The following TMEM50B variants were observed in gnomAD, a reference collection of about 807,000 sequenced individuals.
TMEM50B encodes transmembrane protein 50B, also known as HCV p7-trans-regulated protein 3.
A neutral mutation model predicts 23.4 loss-of-function variants in TMEM50B; 14 were observed. That is an observed-to-expected ratio of 0.60 (90% confidence interval 0.39 to 0.93). The LOEUF (loss-of-function observed/expected upper bound fraction) is 0.93, where lower values mean the gene tolerates loss of function less well. Ranked by LOEUF, TMEM50B falls within the 40% of genes least tolerant of loss-of-function variation. The pLI, the probability that TMEM50B is intolerant of heterozygous loss-of-function variation, is 0.00. For synonymous variants in TMEM50B, 64 were observed against 62.3 expected (o/e 1.03, Z -0.13); for missense variants, 159 against 193.0 (o/e 0.82, Z 1.04).
rs562378714 is a variant in TMEM50B, at chr21:33,435,827, G to A, written c.*2121-3025C>T. Among the ~76,000 whole-genome samples the A allele has an allele frequency of 4.2e-4, 59 of 140,704 alleles. No individual in the cohort carries two copies. In the South Asian group the frequency reaches 0.013, roughly 31 times the overall value. 92.3% of individuals were successfully genotyped at this position (140,704 alleles called of 152,430 possible). On this transcript the variant is annotated intron_variant and NMD_transcript_variant, in intron 8 of 8. Transcript: ENST00000420455. ...GAACCCAGGAGGCGGAGGCTGCAGT[G>A]AGCTGAGATCCACGCCACTGCACTC...
At chr21:33,448,846 G>A (rs1416839213), downstream of TMEM50B, 1 of 151,360 alleles carries the variant, frequency 6.6e-6, no homozygotes, top group Non-Finnish European at 1.5e-5. Context: ...ATTTGAAGGT[G>A]CAGTGAGCTG....
At chr21:33,444,226 G>C (rs554080029), downstream of TMEM50B, among the ~76,000 whole-genome samples, 63 of 152,084 alleles carry the variant, frequency 4.1e-4, no homozygotes, top group African/African-American at 1.5e-3. Flanking sequence ...TAACTCTCCT[G>C]GTAAGTCTGA....
intron 7 of TMEM50B, among the ~76,000 whole-genome samples, chr21:33,441,211 C>T (rs142702127): frequency 3.0e-4 from 46 of 151,482 alleles, no homozygotes; most frequent in South Asian, 2.1e-3. Context: ...ACCTGGGCAA[C>T]AGAGCAAGAA....
chr21:33,438,121 C>CA (rs1221171386), intron 8 of TMEM50B, among the ~76,000 whole-genome samples: 4 of 151,840 alleles, frequency 2.6e-5, no homozygotes, highest in African/African-American at 4.8e-5. Flanking sequence ...CTTGTTTTCA[C>CA]AAAAAATAAA....
chr21:33,445,749 T>C (rs1193952447), downstream of TMEM50B, among the ~76,000 whole-genome samples: 1 of 151,468 alleles, frequency 6.6e-6, no homozygotes, highest in Admixed American at 6.6e-5. Context: ...AGTGAGCCAC[T>C]GCACTCCAGC....
exon 9 of TMEM50B, chr21:33,432,748 C>G: frequency 6.2e-7 from 1 of 1,614,102 alleles, no homozygotes; most frequent in Non-Finnish European, 8.5e-7. Context: ...TCCTGATCTC[C>G]GTGGGAACAT....
At chr21:33,464,252 C>T (rs536424518) in intron 4 of TMEM50B, among the ~76,000 whole-genome samples, 1 of 151,094 alleles carries the variant, frequency 6.6e-6, no homozygotes, top group African/African-American at 2.4e-5. Context: ...GGCTGGAGTC[C>T]AATGAGGTGA....
In TMEM50B at chr21:33,449,193, T is replaced by C. The variant is rs1213808572; in HGVS notation, c.*1625A>G. On this transcript the variant is annotated 3_prime_UTR_variant, in exon 7 of 7. Transcript: ENST00000542230. ...AGGTTATGAGGTGGAAACAAATAAT[T>C]AGTCTTACAATTTGCTAGAAGCATG... is the stretch of plus-strand genomic sequence containing the variant. The C allele has an allele frequency of 1.3e-5, 2 of 152,146 alleles. No homozygotes were observed. Among genetic ancestry groups the C allele is most frequent in the African/African-American group, 4.8e-5 (2 of 41,428 alleles). 9.4% of individuals were successfully genotyped at this position (152,146 alleles called of 1,614,324 possible). A position where few individuals can be genotyped will look rare whatever the true frequency, so the allele number is the denominator to read the frequency against.
At chr21:33,475,881 G>A (rs2084365216) in intron 1 of TMEM50B, among the ~76,000 whole-genome samples, 2 of 152,010 alleles carry the variant, frequency 1.3e-5, no homozygotes, top group African/African-American at 4.8e-5. Flanking sequence ...TTAAACCCAG[G>A]AGGTGGAGGT....
intron 1 of TMEM50B, 78 bp from the exon 2 acceptor site, chr21:33,469,004 G>C (rs906593353): frequency 1.2e-5 from 9 of 734,532 alleles, no homozygotes; most frequent in African/African-American, 3.6e-5. Flanking sequence ...CTTTCTTAAA[G>C]CTTTACACAC....
At chr21:33,440,178 C>T (rs1200825020) in intron 7 of TMEM50B, among the ~76,000 whole-genome samples, 1 of 152,116 alleles carries the variant, frequency 6.6e-6, no homozygotes, top group East Asian at 1.9e-4. Flanking sequence ...TTGTAAAACC[C>T]GTGTGCTAAG....
chr21:33,461,897 T>C (rs1374180907), intron 4 of TMEM50B, among the ~76,000 whole-genome samples: 1 of 151,840 alleles, frequency 6.6e-6, no homozygotes, highest in Non-Finnish European at 1.5e-5. Flanking sequence ...AAGAAAAAAA[T>C]TTCTCTTGTA....
chr21:33,464,198 ATTTT>A (rs34153471), intron 4 of TMEM50B, among the ~76,000 whole-genome samples: 4 of 140,338 alleles, frequency 2.9e-5, no homozygotes, highest in African/African-American at 5.2e-5. Context: ...TATAATGTAA[ATTTT>A]TTTTTTTTTT....
In TMEM50B at chr21:33,466,958, G is replaced by T. The variant is rs879078089; in HGVS notation, c.212+52C>A. 7.5e-6 allele frequency: 11 copies of T among 1,469,020 alleles called. No homozygotes were observed. The South Asian group carries it at 8.2e-5, about 11-fold the overall frequency. The allele number at this position is 1,469,020 out of a possible 1,614,324, so 91.0% of individuals were successfully genotyped here. ...TCAAGAAAGCACTGCACATTAACAG[G>T]AAAGTATTTTTAGAAAAATCACCTT... On this transcript the variant is annotated intron_variant, in intron 3 of 6. Transcript: ENST00000542230.
chr21:33,460,510 G>A lies in TMEM50B; in HGVS notation c.281-5C>T, dbSNP rs2123433969. On this transcript the variant is annotated splice_polypyrimidine_tract_variant and splice_region_variant and intron_variant, in intron 4 of 6. Transcript: ENST00000542230. ...TGAAAAGCCAAACTCGAGCACCTGT[G>A]TAGAGAAGAGGCTTTATGATTTTGT... 1 of 1,583,822 alleles carries A rather than the reference G, an allele frequency of 6.3e-7. No individual in the cohort carries two copies. Among genetic ancestry groups the A allele is most frequent in the Non-Finnish European group, 8.6e-7 (1 of 1,163,790 alleles).
exon 9 of TMEM50B, chr21:33,432,635 C>CA: frequency 1.3e-6 from 2 of 1,484,528 alleles, no homozygotes; most frequent in South Asian, 2.3e-5. Flanking sequence ...GCTCTTTAAG[C>CA]AGCATGGATG....
At chr21:33,470,152 T>C (rs8127934) in intron 1 of TMEM50B, among the ~76,000 whole-genome samples, 3 of 151,616 alleles carry the variant, frequency 2.0e-5, no homozygotes, top group African/African-American at 4.8e-5. Flanking sequence ...CAGGCAGAAA[T>C]TGAAAGAAAC....
At chr21:33,476,903 T>C (rs2084378785) in intron 1 of TMEM50B, among the ~76,000 whole-genome samples, 2 of 152,136 alleles carry the variant, frequency 1.3e-5, no homozygotes, top group Admixed American at 1.3e-4. Flanking sequence ...GCAAAGCTTT[T>C]AATGGCTAAA....
chr21:33,444,179 C>T (rs2084032676), downstream of TMEM50B, among the ~76,000 whole-genome samples: 2 of 98 alleles, frequency 0.02, no homozygotes, highest in East Asian at 0.17. Flanking sequence ...GAGATATAGG[C>T]GTGAGCACCA....
Sources: allele counts gnomAD v4.1 joint callset (sites outside exome capture counted in the v4.1 genomes callset), GRCh38; gene constraint gnomAD v4.1.1; transcripts MANE v1.5; gene names NCBI Gene and HGNC (gene_info 2026-07-23, HGNC 2026-07-21).